Variants in UNC80 observed in about 807,000 individuals in gnomAD.
UNC80 encodes the protein unc-80 subunit of NALCN channel complex.
A neutral mutation model predicts 384.6 loss-of-function variants in UNC80; 164 were observed. The observed-to-expected ratio is 0.43, with a 90% CI of 0.38 to 0.49. The LOEUF (loss-of-function observed/expected upper bound fraction) is 0.49, where lower values mean the gene tolerates loss of function less well. Among genes scored for constraint, UNC80 ranks in the 20% least tolerant of loss-of-function variants. The pLI is 0.00. For missense variants in UNC80, 3,330 were observed against 4,143.0 expected (o/e 0.80, Z 5.39); for synonymous variants, 1,486 against 1,527.8 (o/e 0.97, Z 0.64).
At chr2:209,900,934 T>C (rs1319262300) in intron 28 of UNC80, among the ~76,000 whole-genome samples, 1 of 152,154 alleles carries the variant, frequency 6.6e-6, no homozygotes, top group Non-Finnish European at 1.5e-5. Flanking sequence ...TTCAGTTCTG[T>C]GAGGGCTGAG....
intron 61 of UNC80, among the ~76,000 whole-genome samples, chr2:209,987,806 C>A (rs941906582): frequency 2.6e-5 from 4 of 151,862 alleles, no homozygotes; most frequent in African/African-American, 9.7e-5. Flanking sequence ...TATAGTGGAA[C>A]CCATCTCATG....
At chr2:209,814,977 T>A (rs965164152) in intron 8 of UNC80, among the ~76,000 whole-genome samples, 1 of 149,296 alleles carries the variant, frequency 6.7e-6, no homozygotes, top group Non-Finnish European at 1.5e-5. Flanking sequence ...TCTTTTTAAT[T>A]AAAAAAAAAA....
chr2:209,825,815 A>T, intron 13 of UNC80, 92 bp from the exon 14 acceptor site: 1 of 1,214,238 alleles, frequency 8.2e-7, no homozygotes, highest in Non-Finnish European at 1.1e-6. Flanking sequence ...AAAACATATA[A>T]ACTTGATTTA....
chr2:209,874,191 C>T (rs912185387), intron 23 of UNC80, among the ~76,000 whole-genome samples: 10 of 152,164 alleles, frequency 6.6e-5, no homozygotes, highest in East Asian at 1.9e-4. Flanking sequence ...TAATTATATT[C>T]GGTTTTAACC....
intron 13 of UNC80, among the ~76,000 whole-genome samples, chr2:209,821,585 G>A (rs530164782): frequency 2.6e-5 from 4 of 152,246 alleles, no homozygotes; most frequent in Admixed American, 2.6e-4. Flanking sequence ...GCCTCATTCA[G>A]CCCTCTCATG....
At chr2:209,911,573 T>C (rs542298182) in intron 29 of UNC80, among the ~76,000 whole-genome samples, 1 of 152,380 alleles carries the variant, frequency 6.6e-6, no homozygotes, top group East Asian at 1.9e-4. Context: ...CTTTTAGATT[T>C]GCCTTTTCTT....
At chr2:209,864,334 G>A (rs530856462) in intron 22 of UNC80, among the ~76,000 whole-genome samples, 3 of 152,236 alleles carry the variant, frequency 2.0e-5, no homozygotes, top group South Asian at 2.1e-4. Context: ...TGGGTGGCAC[G>A]AGGAACAGGA....
chr2:209,958,243 G>A (rs1415534064), intron 49 of UNC80, among the ~76,000 whole-genome samples: 1 of 152,064 alleles, frequency 6.6e-6, no homozygotes, highest in Non-Finnish European at 1.5e-5. Flanking sequence ...GGCTATACTA[G>A]TTAATATTTT....
chr2:209,833,265 T>A (rs551560596), intron 16 of UNC80, among the ~76,000 whole-genome samples: 15 of 142,544 alleles, frequency 1.1e-4, no homozygotes, highest in Non-Finnish European at 1.5e-5. Context: ...TGCCATGAAC[T>A]TTTCCTAAGG....
At chr2:209,975,093 A>T (rs2092979374) in intron 56 of UNC80, among the ~76,000 whole-genome samples, 1 of 152,220 alleles carries the variant, frequency 6.6e-6, no homozygotes, top group African/African-American at 2.4e-5. Flanking sequence ...TGGTAAAGGC[A>T]TATGTGACTC....
rs1179190924 is a variant in UNC80 at position 209,771,954 on chromosome 2, G to A, written c.-119G>A. 2.7e-6 allele frequency: 2 copies of A among 733,046 alleles called. No individual in the cohort carries two copies. Among genetic ancestry groups the A allele is most frequent in the Non-Finnish European group, 4.8e-6 (2 of 414,184 alleles). 45.4% of individuals were successfully genotyped at this position (733,046 alleles called of 1,614,324 possible). On this transcript the variant is annotated 5_prime_UTR_variant, in exon 1 of 65. Transcript: ENST00000673920. Reference sequence around the variant, plus strand: ...GGCACGGGGGATCAGGGCGGAGAGAGCCGGCTCTGCCTCGGGGAAGGAGGG... The same window carrying A: ...GGCACGGGGGATCAGGGCGGAGAGAACCGGCTCTGCCTCGGGGAAGGAGGG...
intron 28 of UNC80, 51 bp downstream of exon 28, chr2:209,896,464 G>A: frequency 7.0e-7 from 1 of 1,431,586 alleles, no homozygotes; most frequent in African/African-American, 1.4e-5. Context: ...TTTGGCACTG[G>A]GGAAGATCCA....
At chr2:209,854,261 A>G (rs1482622144) in intron 22 of UNC80, among the ~76,000 whole-genome samples, 1 of 150,394 alleles carries the variant, frequency 6.6e-6, no homozygotes, top group Non-Finnish European at 1.5e-5. Flanking sequence ...AAACTAAACT[A>G]TCAAATTGTC....
chr2:209,815,732 G>T (rs977731551), intron 9 of UNC80, among the ~76,000 whole-genome samples: 3 of 152,118 alleles, frequency 2.0e-5, no homozygotes, highest in Non-Finnish European at 4.4e-5. Flanking sequence ...TTTTTATCAA[G>T]TACTTTATAT....
In UNC80 at chr2:209,995,316, C is replaced by T. The variant is rs1309322350; in HGVS notation, c.9709-13C>T. On this transcript the variant is annotated splice_polypyrimidine_tract_variant and intron_variant, in intron 64 of 64. Coordinates refer to ENST00000673920, the MANE Select transcript of UNC80 (RefSeq NM_001371986.1). ...CCTATCTTTCCATAATGTTATGATC[C>T]TTTTGATCACAGAGTGAGAACTTCC... 2 of 1,551,678 alleles carry T rather than the reference C, an allele frequency of 1.3e-6. No individual in the cohort carries two copies. Among genetic ancestry groups the T allele is most frequent in the African/African-American group, 2.7e-5 (2 of 73,000 alleles).
intron 7 of UNC80, chr2:209,808,973 C>T (rs965283761): frequency 6.3e-6 from 2 of 318,482 alleles, no homozygotes; most frequent in Non-Finnish European, 1.2e-5. Flanking sequence ...GCCTTCCTGG[C>T]GCTCCAAGCA....
At chr2:209,810,423 T>G (rs1186492554) in intron 7 of UNC80, among the ~76,000 whole-genome samples, 1 of 152,224 alleles carries the variant, frequency 6.6e-6, no homozygotes, top group Non-Finnish European at 1.5e-5. Flanking sequence ...AATTTGTGTA[T>G]TTTTTAAAAA....
At chr2:209,800,010 G>A (rs1159829734) in intron 7 of UNC80, among the ~76,000 whole-genome samples, 2 of 152,154 alleles carry the variant, frequency 1.3e-5, no homozygotes, top group Non-Finnish European at 2.9e-5. Flanking sequence ...ATGTTCATCA[G>A]AGATATTAGC....
intron 29 of UNC80, among the ~76,000 whole-genome samples, chr2:209,910,402 C>A (rs934924394): frequency 6.6e-6 from 1 of 151,918 alleles, no homozygotes; most frequent in African/African-American, 2.4e-5. Context: ...CACATATACC[C>A]CCATCTCTGT....
Sources: gnomAD v4.1 joint callset for allele counts (sites outside exome capture counted in the v4.1 genomes callset) on GRCh38, gnomAD v4.1.1 for gene constraint, MANE v1.5 for transcripts, NCBI Gene and HGNC (gene_info 2026-07-23, HGNC 2026-07-21) for gene names.